The following LHFPL4 variants were observed in gnomAD, a reference collection of about 807,000 sequenced individuals.
LHFPL4 encodes LHFPL tetraspan subfamily member 4 protein.
A neutral mutation model predicts 20.0 loss-of-function variants in LHFPL4; 6 were observed. The ratio of observed to expected loss-of-function variants is 0.30; its 90% CI spans 0.16 to 0.59. The LOEUF (loss-of-function observed/expected upper bound fraction) is 0.59, where lower values mean the gene tolerates loss of function less well. Among genes scored for constraint, LHFPL4 ranks in the 20% least tolerant of loss-of-function variants. LHFPL4 has a pLI of 0.88. For missense variants in LHFPL4, 215 were observed against 331.2 expected, an observed-to-expected ratio of 0.65 and a Z score of 2.72; for synonymous variants, 129 against 143.8, an observed-to-expected ratio of 0.90 and a Z score of 0.74.
chr3:9,553,447 G>C (rs1234476877), intron 1 of LHFPL4, among the ~76,000 whole-genome samples: 1 of 151,726 alleles, frequency 6.6e-6, no homozygotes, highest in Non-Finnish European at 1.5e-5. Flanking sequence ...AGGCTGGAGG[G>C]AGCCTAGGAT....
At chr3:9,527,426 C>T (rs900297658) in intron 2 of LHFPL4, among the ~76,000 whole-genome samples, 4 of 151,744 alleles carry the variant, frequency 2.6e-5, no homozygotes, top group African/African-American at 9.7e-5. Context: ...AATAATAATA[C>T]AAAAAGTTAG....
rs372078484 is a variant in LHFPL4 at position 9,552,673 on chromosome 3, G to A, written c.7C>T (p.Pro3Ser). 3.3e-5 allele frequency: 49 copies of A among 1,498,046 alleles called. No homozygotes were observed. The highest frequency in any genetic ancestry group is 4.1e-5 in the Non-Finnish European group (46 of 1,118,058). 92.8% of individuals were successfully genotyped at this position (1,498,046 alleles called of 1,614,324 possible). The change falls in exon 2 of 4, where the codon CCC becomes TCC. Residue 3 changes from proline to serine, a missense_variant. Pro to Ser is a moderately conservative substitution (Grantham distance 74). Around this residue, in one of 2 missense-constraint regions of LHFPL4, gnomAD observed 164 missense variants for 286.7 expected, o/e 0.57. Coordinates refer to ENST00000287585, the MANE Select transcript of LHFPL4 (RefSeq NM_198560.3). Reference sequence around the variant, plus strand: ...TAGAGCTTGGAGGCCTCCTGCGAGGGCAGCATGGTGCCCGGAGGCGGGGCC... The same window carrying A: ...TAGAGCTTGGAGGCCTCCTGCGAGGACAGCATGGTGCCCGGAGGCGGGGCC... The part of the protein sequence containing the change: ML[P>S]SQEASKLYHE...
intron 2 of LHFPL4, among the ~76,000 whole-genome samples, chr3:9,543,448 C>A (rs2046490752): frequency 6.6e-6 from 1 of 150,842 alleles, no homozygotes; most frequent in Non-Finnish European, 1.5e-5. Context: ...TGCAGTGAGC[C>A]GAGATCGCAC....
At chr3:9,544,846 T>C (rs937131054) in intron 2 of LHFPL4, among the ~76,000 whole-genome samples, 4 of 152,190 alleles carry the variant, frequency 2.6e-5, no homozygotes, top group Non-Finnish European at 2.9e-5. Flanking sequence ...AGCTCAAATG[T>C]TACCCTTTTG....
chr3:9,518,577 A>G (rs2046317951), intron 2 of LHFPL4, among the ~76,000 whole-genome samples: 1 of 152,184 alleles, frequency 6.6e-6, no homozygotes, highest in Non-Finnish European at 1.5e-5. Flanking sequence ...TACTAATTCA[A>G]TAGATATAGG....
Position 9,498,980 on chromosome 3 carries a change from G to A in LHFPL4, c.*3231C>T, listed in dbSNP as rs1346693145. 1 of 152,374 alleles carries A rather than the reference G, an allele frequency of 6.6e-6. No individual in the cohort carries two copies. Among genetic ancestry groups the A allele is most frequent in the African/African-American group, 2.4e-5 (1 of 41,452 alleles). 9.4% of individuals were successfully genotyped at this position (152,374 alleles called of 1,614,324 possible). On this transcript the variant is annotated 3_prime_UTR_variant, in exon 4 of 4. Coordinates refer to ENST00000287585, the MANE Select transcript of LHFPL4 (RefSeq NM_198560.3). ...CTGACCAGACTGTGGGCCAGGGACT[G>A]AACCACCCCTAGGCTGTGGCTGCCG...
In LHFPL4 at chr3:9,502,098, G is replaced by A; in HGVS notation, c.*113C>T. 1 of 773,632 alleles carries A rather than the reference G, an allele frequency of 1.3e-6. No homozygotes were observed. Among genetic ancestry groups the A allele is most frequent in the Admixed American group, 2.1e-5 (1 of 47,546 alleles). The allele number at this position is 773,632 out of a possible 1,614,324, so 47.9% of individuals were successfully genotyped here. A position where few individuals can be genotyped will look rare whatever the true frequency, so the allele number is the denominator to read the frequency against. ...GCCTGGAGCTTGCAGGGTAGTCGGT[G>A]AGAAGTAAGTCTGAGATCAGGGTCT... is the stretch of plus-strand genomic sequence containing the variant. On this transcript the variant is annotated 3_prime_UTR_variant, in exon 4 of 4. Transcript: ENST00000287585.
rs78025908 is a variant in LHFPL4, at chr3:9,502,222, G to A, written c.733C>T (p.Gln245Ter). The A allele has an allele frequency of 6.2e-7, 1 of 1,613,800 alleles. No individual in the cohort carries two copies. The highest frequency in any genetic ancestry group is 1.3e-5 in the African/African-American group (1 of 75,026). ...GTGATCCTGGCCTTTCAGGGTCCCT[G>A]TGAGTGAGCCACGGGGCAGGGAAGG... ...GVLPCPVAHS[Q>*]GP The change falls in exon 4 of 4, where the codon CAG (glutamine) becomes TAG (stop). Residue 245 changes from glutamine to a stop codon, truncating the protein, a stop_gained. Coordinates refer to ENST00000287585, the MANE Select transcript of LHFPL4 (RefSeq NM_198560.3). LOFTEE classifies it high-confidence loss of function.
intron 2 of LHFPL4, among the ~76,000 whole-genome samples, chr3:9,518,404 T>C (rs1248562429): frequency 6.6e-6 from 1 of 152,182 alleles, no homozygotes; most frequent in Non-Finnish European, 1.5e-5. Flanking sequence ...ATAGTATTAG[T>C]GTAATGCTGG....
intron 2 of LHFPL4, among the ~76,000 whole-genome samples, chr3:9,526,299 T>C (rs1349411060): frequency 6.6e-6 from 1 of 152,128 alleles, no homozygotes; most frequent in African/African-American, 2.4e-5. Flanking sequence ...GTTCTGGAGA[T>C]GGATGGTGGT....
chr3:9,540,249 GGC>G lies in LHFPL4; in HGVS notation c.406+12023_406+12024del, dbSNP rs1370722092. Among the ~76,000 whole-genome samples the G allele has an allele frequency of 3.9e-5, 6 of 152,168 alleles. No homozygotes were observed. In the East Asian group the frequency reaches 1.2e-3, roughly 29 times the overall value. On this transcript the variant is annotated intron_variant, in intron 2 of 3. Transcript: ENST00000287585. ...ATTACGTGGCTGTTAAGAAAAAGGT[GGC>G]TCTTTATACACTGATATGGAACTAT...
At chr3:9,519,720 G>A (rs1408275023) in intron 2 of LHFPL4, among the ~76,000 whole-genome samples, 1 of 151,978 alleles carries the variant, frequency 6.6e-6, no homozygotes, top group Non-Finnish European at 1.5e-5. Flanking sequence ...CACCATGCCT[G>A]GCTAATTTTT....
At chr3:9,546,478 C>T (rs930439739) in intron 2 of LHFPL4, among the ~76,000 whole-genome samples, 1 of 152,056 alleles carries the variant, frequency 6.6e-6, no homozygotes, top group Non-Finnish European at 1.5e-5. Context: ...GTCCAGGTAC[C>T]AGGGTGGTGC....
At chr3:9,541,363 G>A (rs1166287612) in intron 2 of LHFPL4, among the ~76,000 whole-genome samples, 1 of 152,218 alleles carries the variant, frequency 6.6e-6, no homozygotes, top group African/African-American at 2.4e-5. Context: ...TTTGACAAGG[G>A]TACCAGAACC....
rs982432558 is a variant in LHFPL4 at position 9,504,349 on chromosome 3, C to A, written c.643+1618G>T. 4.0e-5 allele frequency among the ~76,000 whole-genome samples: 6 copies of A among 150,440 alleles called. No individual in the cohort carries two copies. In the South Asian group the frequency reaches 1.3e-3, roughly 32 times the overall value. On this transcript the variant is annotated intron_variant, in intron 3 of 3. Coordinates refer to ENST00000287585, the MANE Select transcript of LHFPL4 (RefSeq NM_198560.3). ...GCCGAGACCGTGCCACTGCACTCCA[C>A]CCTGGGCAACTGAGCAAGACACTGT...
rs367687322 is a variant in LHFPL4, at chr3:9,517,388, T to C, written c.407-11185A>G. 8.3e-4 allele frequency among the ~76,000 whole-genome samples: 127 copies of C among 152,258 alleles called. 1 individual carries two copies. In the South Asian group the frequency reaches 9.3e-3, roughly 11 times the overall value. ...TTAGCTCTTCTTCTATTTCTTTCAC[T>C]AGAGTTTGGTATTTTTTTTCATATA... is the stretch of plus-strand genomic sequence containing the variant. On this transcript the variant is annotated intron_variant, in intron 2 of 3. Transcript: ENST00000287585.
At chr3:9,545,283 G>A (rs1436345698) in intron 2 of LHFPL4, among the ~76,000 whole-genome samples, 3 of 151,864 alleles carry the variant, frequency 2.0e-5, no homozygotes, top group African/African-American at 7.3e-5. Flanking sequence ...GGGAGAGGAG[G>A]AGGGAAAGCG....
chr3:9,511,530 T>A lies in LHFPL4; in HGVS notation c.407-5327A>T, dbSNP rs1271983666. Among the ~76,000 whole-genome samples, 3 of 152,178 alleles carry A rather than the reference T, an allele frequency of 2.0e-5. No individual in the cohort carries two copies. In the East Asian group the frequency reaches 5.8e-4, roughly 29 times the overall value. Reference sequence around the variant, plus strand: ...TGTTTTTCTTTGAATAAACTCACATTTTAACTTCGATGCATTTACTTGAAA... The same window carrying A: ...TGTTTTTCTTTGAATAAACTCACATATTAACTTCGATGCATTTACTTGAAA... On this transcript the variant is annotated intron_variant, in intron 2 of 3. Transcript: ENST00000287585.
intron 2 of LHFPL4, among the ~76,000 whole-genome samples, chr3:9,536,195 C>T (rs1420762100): frequency 1.3e-5 from 2 of 152,310 alleles, no homozygotes; most frequent in East Asian, 1.9e-4. Context: ...GAAGGAAGTT[C>T]GGGAAGTGGG....
Sources: gnomAD v4.1 joint callset for allele counts (sites outside exome capture counted in the v4.1 genomes callset) on GRCh38, gnomAD v4.1.1 for gene constraint, gnomAD v4.1.1 regional missense constraint, MANE v1.5 for transcripts, NCBI Gene and HGNC (gene_info 2026-07-23, HGNC 2026-07-21) for gene names.